Variants in CAST observed in about 807,000 individuals in gnomAD.
The protein encoded by CAST is MIR583 host.
Under a neutral mutation model 119.6 loss-of-function variants are expected in CAST, and 76 were observed. The observed-to-expected ratio is 0.64, with a 90% confidence interval of 0.53 to 0.77. The LOEUF is 0.77. Among genes scored for constraint, CAST ranks in the 30% least tolerant of loss-of-function variants. The pLI, the probability that CAST is intolerant of heterozygous loss-of-function variation, is 0.00. For missense variants in CAST, 953 were observed against 946.5 expected (o/e 1.01, Z -0.09); for synonymous variants, 319 against 331.6 (o/e 0.96, Z 0.41).
chr5:96,484,174 T>G, the CAST span, among the ~76,000 whole-genome samples: 11,743 of 152,184 alleles, frequency 0.077, 1,524 homozygotes, highest in African/African-American at 0.27. Context: ...CTGGTTCTGA[T>G]GAGGAGATTG....
the CAST span, among the ~76,000 whole-genome samples, chr5:96,205,457 C>T: frequency 6.6e-6 from 1 of 151,886 alleles, no homozygotes; most frequent in Non-Finnish European, 1.5e-5. Flanking sequence ...TTTTTTGATC[C>T]TCACCCTTCT....
the CAST span, among the ~76,000 whole-genome samples, chr5:96,373,242 A>G: frequency 6.6e-6 from 1 of 152,332 alleles, no homozygotes; most frequent in Middle Eastern, 3.4e-3. Context: ...TTAAGGCCTC[A>G]GGATCATTTC....
chr5:96,375,424 G>A, the CAST span, among the ~76,000 whole-genome samples: 1 of 91,054 alleles, frequency 1.1e-5, no homozygotes, highest in African/African-American at 3.5e-5. Flanking sequence ...TGGTGTGTGT[G>A]TGTGTGTGTG....
At chr5:96,278,975 A>C in the CAST span, among the ~76,000 whole-genome samples, 1 of 152,262 alleles carries the variant, frequency 6.6e-6, no homozygotes, top group African/African-American at 2.4e-5. Flanking sequence ...ATTATGTATA[A>C]ACATTAAAAT....
At chr5:96,111,101 A>G in the CAST span, 1 of 152,152 alleles carries the variant, frequency 6.6e-6, no homozygotes, top group Non-Finnish European at 1.5e-5. Flanking sequence ...GGTTACCTAT[A>G]CTTCTGACCT....
At chr5:96,045,203 A>AT in the CAST span, among the ~76,000 whole-genome samples, 1 of 152,126 alleles carries the variant, frequency 6.6e-6, no homozygotes, top group East Asian at 1.9e-4. Flanking sequence ...AAAGACAAAA[A>AT]TTTGCTGGGC....
chr5:96,022,573 T>C, the CAST span, among the ~76,000 whole-genome samples: 1 of 152,176 alleles, frequency 6.6e-6, no homozygotes, highest in Admixed American at 6.5e-5. Context: ...AACAGGCTGG[T>C]CTATTCATGA....
the CAST span, among the ~76,000 whole-genome samples, chr5:96,033,788 A>G: frequency 2.6e-5 from 4 of 152,200 alleles, no homozygotes; most frequent in South Asian, 8.3e-4. Flanking sequence ...AACAAAAGTG[A>G]AAATAGACAA....
At chr5:96,341,337 C>T in the CAST span, among the ~76,000 whole-genome samples, 2 of 146,090 alleles carry the variant, frequency 1.4e-5, no homozygotes, top group Non-Finnish European at 3.0e-5. Flanking sequence ...CCCCCACCCT[C>T]CACCCCACCC....
chr5:96,457,384 A>T, the CAST span, among the ~76,000 whole-genome samples: 1 of 152,180 alleles, frequency 6.6e-6, no homozygotes, highest in African/African-American at 2.4e-5. Flanking sequence ...AATCCTCTTT[A>T]AAAAGGAGCT....
chr5:96,261,620 C>T, the CAST span, among the ~76,000 whole-genome samples: 1 of 152,180 alleles, frequency 6.6e-6, no homozygotes, highest in African/African-American at 2.4e-5. Context: ...CAGAAGCTAA[C>T]ATGGCAGATT....
At chr5:96,566,188 T>C (rs261226) in intron 1 of CAST, among the ~76,000 whole-genome samples, 44,287 of 152,172 alleles carry the variant, frequency 0.29, 7,393 homozygotes, top group Middle Eastern at 0.43. Flanking sequence ...CAATTAAACC[T>C]GTAGCTGACT....
At chr5:96,735,158 A>G (rs1395025386) in intron 9 of CAST, among the ~76,000 whole-genome samples, 1 of 152,268 alleles carries the variant, frequency 6.6e-6, no homozygotes, top group Non-Finnish European at 1.5e-5. Context: ...TTACAATTAC[A>G]TAGCAAGTAC....
intron 1 of CAST, among the ~76,000 whole-genome samples, chr5:96,585,861 G>T (rs561579671): frequency 6.6e-6 from 1 of 152,202 alleles, no homozygotes; most frequent in African/African-American, 2.4e-5. Context: ...TCTCGTCTTT[G>T]GTGTCCAAGG....
the CAST span, among the ~76,000 whole-genome samples, chr5:96,446,309 T>C: frequency 6.6e-6 from 1 of 152,234 alleles, no homozygotes; most frequent in African/African-American, 2.4e-5. Context: ...AGAACTATTT[T>C]TTCATAACCA....
chr5:96,329,783 T>G, the CAST span, among the ~76,000 whole-genome samples: 1 of 152,248 alleles, frequency 6.6e-6, no homozygotes, highest in Admixed American at 6.5e-5. Context: ...CTATTCTCCA[T>G]GTATTGAAGG....
chr5:96,019,201 A>G, the CAST span, among the ~76,000 whole-genome samples: 4 of 152,186 alleles, frequency 2.6e-5, no homozygotes, highest in African/African-American at 9.6e-5. Context: ...ATTCAGGAGG[A>G]TCACAGTTAC....
At chr5:96,422,545 C>G in the CAST span, among the ~76,000 whole-genome samples, 5 of 152,166 alleles carry the variant, frequency 3.3e-5, no homozygotes, top group Non-Finnish European at 7.3e-5. Flanking sequence ...TCCCGCATAC[C>G]CTTACTGTTA....
At chr5:96,317,717 G>A in the CAST span, among the ~76,000 whole-genome samples, 1 of 152,142 alleles carries the variant, frequency 6.6e-6, no homozygotes, top group Non-Finnish European at 1.5e-5. Context: ...AACAATCAGA[G>A]AAGCCCTGAC....
Sources: gnomAD v4.1 joint callset for allele counts (sites outside exome capture counted in the v4.1 genomes callset) on GRCh38, gnomAD v4.1.1 for gene constraint, MANE v1.5 for transcripts, NCBI Gene and HGNC (gene_info 2026-07-23, HGNC 2026-07-21) for gene names.